ADRA1A: variants seen among roughly 807,000 people sequenced by gnomAD.
The protein encoded by ADRA1A is adrenoceptor alpha 1A.
Under a neutral mutation model 29.6 loss-of-function variants are expected in ADRA1A, and 31 were observed. The observed-to-expected ratio is 1.05, with a 90% CI of 0.79 to 1.41. ADRA1A has a LOEUF of 1.41. Among genes scored for constraint, ADRA1A ranks in the 40% most tolerant of loss-of-function variants. The pLI is 0.00. For synonymous variants in ADRA1A, 311 were observed against 254.3 expected (o/e 1.22, Z -2.12); for missense variants, 619 against 601.1 (o/e 1.03, Z -0.31).
At chr8:26,849,419 G>A (rs144285873) in intron 2 of ADRA1A, among the ~76,000 whole-genome samples, 13 of 152,286 alleles carry the variant, frequency 8.5e-5, no homozygotes, top group African/African-American at 3.1e-4. Flanking sequence ...GTGCCCAGGC[G>A]GTCAGTCATG....
downstream of ADRA1A, among the ~76,000 whole-genome samples, chr8:26,751,598 A>G (rs6986973): frequency 0.071 from 10,822 of 152,270 alleles, 416 homozygotes; most frequent in African/African-American, 0.08. Flanking sequence ...GTAATGACCA[A>G]AAAAAGGATT....
At chr8:26,832,060 TC>T (rs926863430) in intron 2 of ADRA1A, among the ~76,000 whole-genome samples, 2 of 152,192 alleles carry the variant, frequency 1.3e-5, no homozygotes, top group African/African-American at 4.8e-5. Flanking sequence ...AGCCTTCTCT[TC>T]CCCCTCCCAA....
At chr8:26,840,586 G>A (rs372178440) in intron 2 of ADRA1A, among the ~76,000 whole-genome samples, 4 of 149,528 alleles carry the variant, frequency 2.7e-5, no homozygotes, top group Non-Finnish European at 5.9e-5. Flanking sequence ...GAACTTTAGC[G>A]TTCTTTTTTT....
intron 2 of ADRA1A, among the ~76,000 whole-genome samples, chr8:26,827,903 T>C (rs1810696622): frequency 6.6e-6 from 1 of 152,150 alleles, no homozygotes; most frequent in South Asian, 2.1e-4. Flanking sequence ...ATTTTATTAT[T>C]ATTTTTTTGA....
At chr8:26,837,650 C>CCA (rs1554508647) in intron 2 of ADRA1A, among the ~76,000 whole-genome samples, 38 of 128,610 alleles carry the variant, frequency 3.0e-4, no homozygotes, top group Non-Finnish European at 9.9e-5. Flanking sequence ...GACTCTGTCT[C>CCA]AAAAAAAAAA....
intron 2 of ADRA1A, among the ~76,000 whole-genome samples, chr8:26,837,650 CA>C (rs372072664): frequency 0.072 from 9,211 of 128,530 alleles, 296 homozygotes; most frequent in Non-Finnish European, 0.083. Flanking sequence ...GACTCTGTCT[CA>C]AAAAAAAAAA....
Position 26,825,781 on chromosome 8 carries a change from C to T in ADRA1A, c.883+38306G>A, listed in dbSNP as rs963129242. 2.0e-5 allele frequency among the ~76,000 whole-genome samples: 3 copies of T among 152,322 alleles called. No homozygotes were observed. The highest frequency in any genetic ancestry group is 4.8e-5 in the African/African-American group (2 of 41,566). ...AAGGAACAGTCTCCCTTGTATCCTG[C>T]GGGCATTCTGGTTCGATACTAGGCA... On this transcript the variant is annotated intron_variant, in intron 2 of 2. Transcript: ENST00000380573. The surrounding 1 kb of genome is among the most constrained non-coding windows in gnomAD (Gnocchi z 5.7).
chr8:26,784,178 A>G (rs535181441), intron 2 of ADRA1A, among the ~76,000 whole-genome samples: 20 of 152,332 alleles, frequency 1.3e-4, no homozygotes, highest in African/African-American at 4.6e-4. Flanking sequence ...CCGGAACTTA[A>G]AATAAAAGTT....
At chr8:26,788,942 T>C (rs765927691) in intron 2 of ADRA1A, among the ~76,000 whole-genome samples, 5 of 152,140 alleles carry the variant, frequency 3.3e-5, no homozygotes, top group Non-Finnish European at 5.9e-5. Flanking sequence ...ATATATATTT[T>C]TAAAATTTTA....
rs1806050721 is a variant in ADRA1A, at chr8:26,770,385, A to T, written c.1165T>A (p.Ser389Thr). 6.2e-7 allele frequency: 1 copy of T among 1,614,124 alleles called. No homozygotes were observed. Among genetic ancestry groups the T allele is most frequent in the Admixed American group, 1.7e-5 (1 of 60,014 alleles). Reference sequence around the variant, plus strand: ...CATTCACAAACGCCATCCGTCTTGGAGATCCTGTAGAAGGTCTCTCTTGAT... The same window carrying T: ...CATTCACAAACGCCATCCGTCTTGGTGATCCTGTAGAAGGTCTCTCTTGAT... ...VGSRETFYRI[S>T]KTDGVCEWKF... The change falls in exon 3 of 3, where the codon TCC becomes ACC. Residue 389 changes from serine (S) to threonine (T), a missense_variant. Ser to Thr is a moderately conservative substitution (Grantham distance 58, BLOSUM62 1). Transcript: ENST00000380573.
chr8:26,761,484 C>T (rs1310201778), downstream of ADRA1A, among the ~76,000 whole-genome samples: 2 of 151,938 alleles, frequency 1.3e-5, no homozygotes, highest in South Asian at 4.2e-4. Flanking sequence ...GAGGGTGGAC[C>T]CAAATCCAAT....
intron 2 of ADRA1A, among the ~76,000 whole-genome samples, chr8:26,782,723 A>G (rs1807084827): frequency 6.6e-6 from 1 of 152,100 alleles, no homozygotes; most frequent in Non-Finnish European, 1.5e-5. Flanking sequence ...GCAAATCTCT[A>G]TGCCTAGACC....
rs929967169 is a variant in ADRA1A, at chr8:26,860,680, A to G, written c.883+3407T>C. Reference sequence around the variant, plus strand: ...TTCATATTTCACTGAGGACATAAACATATCCTAAAGAGATCACTATCTCTC... The same window carrying G: ...TTCATATTTCACTGAGGACATAAACGTATCCTAAAGAGATCACTATCTCTC... On this transcript the variant is annotated intron_variant, in intron 2 of 2. Coordinates refer to ENST00000380573, the MANE Select transcript of ADRA1A (RefSeq NM_000680.4). The surrounding 1 kb of genome is among the most constrained non-coding windows in gnomAD (Gnocchi z 4.7). Among the ~76,000 whole-genome samples the G allele has an allele frequency of 2.6e-5, 4 of 152,152 alleles. No individual in the cohort carries two copies. The highest frequency in any genetic ancestry group is 4.4e-5 in the Non-Finnish European group (3 of 68,020).
intron 2 of ADRA1A, among the ~76,000 whole-genome samples, chr8:26,856,096 T>C (rs187175756): frequency 3.5e-4 from 54 of 152,378 alleles, no homozygotes; most frequent in Non-Finnish European, 6.6e-4. Flanking sequence ...AAAATGATGG[T>C]AAATCTTCAT....
downstream of ADRA1A, among the ~76,000 whole-genome samples, chr8:26,764,686 G>A (rs943904991): frequency 6.6e-6 from 1 of 152,204 alleles, no homozygotes; most frequent in Non-Finnish European, 1.5e-5. Context: ...CTACTGCACA[G>A]GGATGACTTA....
At chr8:26,760,006 G>T (rs1805415048) in intron 2 of ADRA1A, among the ~76,000 whole-genome samples, 1 of 152,190 alleles carries the variant, frequency 6.6e-6, no homozygotes. Flanking sequence ...CTTGCAACCT[G>T]AGAGTCCCCA....
intron 2 of ADRA1A, among the ~76,000 whole-genome samples, chr8:26,774,417 A>T (rs7818761): frequency 6.6e-6 from 1 of 152,066 alleles, no homozygotes; most frequent in African/African-American, 2.4e-5. Context: ...GCCTGTAATC[A>T]CTGCACTTTG....
At chr8:26,862,438 C>T (rs1289828205) in intron 2 of ADRA1A, among the ~76,000 whole-genome samples, 1 of 152,176 alleles carries the variant, frequency 6.6e-6, no homozygotes, top group African/African-American at 2.4e-5. Context: ...CAATCATTTG[C>T]TTATGTCTAC....
In ADRA1A at chr8:26,864,206, G is replaced by T. The variant is rs1813693169; in HGVS notation, c.764C>A (p.Thr255Lys). The stretch of plus-strand genomic sequence containing the variant: ...CTTGAGGAGCCTCACTGAGAAGTGC[G>T]TCTTGGTCTTGGCGCTGGCCATCCC... ...GSGMASAKTKTHFSVRLLKFS... is the reference protein window; with the variant it reads ...GSGMASAKTKKHFSVRLLKFS... The change falls in exon 2 of 3, where the codon ACG becomes AAG. Residue 255 changes from threonine to lysine, a missense_variant. Transcript: ENST00000380573. This position sits in a 1 kb window ranked among gnomAD's most constrained non-coding sequence, Gnocchi z 8.1. 1 of 1,614,082 alleles carries T rather than the reference G, an allele frequency of 6.2e-7. No homozygotes were observed. Among genetic ancestry groups the T allele is most frequent in the African/African-American group, 1.3e-5 (1 of 74,948 alleles).
Sources: gnomAD v4.1 joint callset for allele counts (sites outside exome capture counted in the v4.1 genomes callset) on GRCh38, gnomAD v4.1.1 for gene constraint, Gnocchi (gnomAD v3.1) non-coding constraint, MANE v1.5 for transcripts, NCBI Gene and HGNC (gene_info 2026-07-23, HGNC 2026-07-21) for gene names.